The following YWHAB variants were observed in gnomAD, a reference collection of about 807,000 sequenced individuals.
YWHAB encodes the protein 14-3-3 protein beta/alpha.
In YWHAB, 2 loss-of-function variants were observed where a neutral mutation model predicts 28.5. The ratio of observed to expected loss-of-function variants is 0.07; its 90% CI spans 0.03 to 0.22. The LOEUF is 0.22. Among genes scored for constraint, YWHAB ranks in the 10% least tolerant of loss-of-function variants. The pLI is 1.00. For missense variants in YWHAB, 148 were observed against 297.1 expected (o/e 0.50, Z 3.69); for synonymous variants, 103 against 104.7 (o/e 0.98, Z 0.10).
intron 1 of YWHAB, among the ~76,000 whole-genome samples, chr20:44,899,113 A>G (rs1021657625): frequency 6.6e-6 from 1 of 152,098 alleles, no homozygotes; most frequent in Non-Finnish European, 1.5e-5. Flanking sequence ...CTCCGTCTCC[A>G]AACAAATAAT....
At chr20:44,904,209 G>C in intron 3 of YWHAB, 93 bp downstream of exon 3, 1 of 1,483,748 alleles carries the variant, frequency 6.7e-7, no homozygotes, top group Non-Finnish European at 9.3e-7. Flanking sequence ...GTTCGCCATA[G>C]ACACCAATGT....
intron 1 of YWHAB, among the ~76,000 whole-genome samples, chr20:44,899,257 T>C (rs1488881031): frequency 6.6e-6 from 1 of 152,218 alleles, no homozygotes; most frequent in Non-Finnish European, 1.5e-5. Flanking sequence ...GGCGGGCAGA[T>C]CACCTGAGTT....
chr20:44,895,299 A>G (rs542978884), intron 1 of YWHAB, among the ~76,000 whole-genome samples: 12 of 152,282 alleles, frequency 7.9e-5, no homozygotes, highest in African/African-American at 2.6e-4. Flanking sequence ...CCAGCCTGAG[A>G]GAAAGGTACA....
chr20:44,890,656 G>A (rs1241509523), intron 1 of YWHAB, among the ~76,000 whole-genome samples: 1 of 151,910 alleles, frequency 6.6e-6, no homozygotes, highest in Non-Finnish European at 1.5e-5. Context: ...GATTACAGGC[G>A]CCTGCCACTG....
intron 2 of YWHAB, 107 bp from the exon 3 acceptor site, chr20:44,903,886 A>C: frequency 1.5e-6 from 2 of 1,338,808 alleles, no homozygotes; most frequent in Non-Finnish European, 2.0e-6. Context: ...GTGTTTTTTT[A>C]ATCTTCCAAA....
At chr20:44,892,163 A>G (rs1363909537) in intron 1 of YWHAB, among the ~76,000 whole-genome samples, 1 of 152,238 alleles carries the variant, frequency 6.6e-6, no homozygotes, top group African/African-American at 2.4e-5. Flanking sequence ...AATGCTGTTC[A>G]GAATATGTGA....
chr20:44,894,833 T>G (rs1048727464), intron 1 of YWHAB, among the ~76,000 whole-genome samples: 4 of 152,252 alleles, frequency 2.6e-5, no homozygotes, highest in African/African-American at 7.2e-5. Flanking sequence ...AGTGGCACAT[T>G]GCGCTGTGAC....
Position 44,885,756 on chromosome 20 carries a change from G to GCCA in YWHAB, c.-132_-131insACC, listed in dbSNP as rs1395624311. ...CGCCGATTCCGGAGCCGGGGTAGTC[G>GCCA]CCGCCGCCGCCGCCGCTGCAGCCAC... On this transcript the variant is annotated 5_prime_UTR_variant, in exon 1 of 6. Transcript: ENST00000353703. 5.6e-6 allele frequency: 1 copy of GCCA among 179,680 alleles called. No individual in the cohort carries two copies. Among genetic ancestry groups the GCCA allele is most frequent in the Non-Finnish European group, 1.2e-5 (1 of 86,878 alleles). 11.1% of individuals were successfully genotyped at this position (179,680 alleles called of 1,614,324 possible).
intron 1 of YWHAB, among the ~76,000 whole-genome samples, chr20:44,900,768 A>G (rs1458366641): frequency 1.3e-5 from 2 of 152,228 alleles, no homozygotes; most frequent in East Asian, 3.9e-4. Context: ...AAGGACATAT[A>G]TATAGTAAGC....
At chr20:44,904,840 C>G in intron 3 of YWHAB, 128 bp from the exon 4 acceptor site, 1 of 868,112 alleles carries the variant, frequency 1.2e-6, no homozygotes, top group Non-Finnish European at 1.7e-6. Context: ...GGCAGAGACA[C>G]TGACACTTCA....
chr20:44,894,108 G>A (rs753687127), intron 1 of YWHAB, among the ~76,000 whole-genome samples: 30 of 152,138 alleles, frequency 2.0e-4, no homozygotes, highest in Non-Finnish European at 2.5e-4. Context: ...GTCCTGACTT[G>A]CTGCATCCAG....
rs111393140 is a variant in YWHAB, at chr20:44,896,115, T to C, written c.-3-5416T>C. 8.2e-3 allele frequency among the ~76,000 whole-genome samples: 1,248 copies of C among 152,344 alleles called. 18 individuals are homozygous for C. Among genetic ancestry groups the C allele is most frequent in the African/African-American group, 0.028 (1,180 of 41,562 alleles). ...AGCGAAATGCTTTGTGAGAATATAT[T>C]CATTAGAGCAATGCCGTCCCATAGG... is the stretch of plus-strand genomic sequence containing the variant. On this transcript the variant is annotated intron_variant, in intron 1 of 5. Coordinates refer to ENST00000353703, the MANE Select transcript of YWHAB (RefSeq NM_139323.4).
At chr20:44,903,924 C>T (rs1206357821) in intron 2 of YWHAB, 69 bp from the exon 3 acceptor site, 3 of 1,537,878 alleles carry the variant, frequency 2.0e-6, no homozygotes, top group African/African-American at 2.8e-5. Flanking sequence ...TAGTGTATAT[C>T]TTGAATCTCA....
At chr20:44,904,889 A>G in intron 3 of YWHAB, 79 bp from the exon 4 acceptor site, 2 of 1,432,626 alleles carry the variant, frequency 1.4e-6, no homozygotes, top group South Asian at 1.6e-5. Flanking sequence ...TGGGACTGAG[A>G]AAATAATTTG....
chr20:44,886,637 T>G (rs2066529734), intron 1 of YWHAB: 1 of 152,082 alleles, frequency 6.6e-6, no homozygotes, highest in Non-Finnish European at 1.5e-5. Context: ...TACCCCAAAT[T>G]CCCCCATATT....
chr20:44,905,984 A>G lies in YWHAB; in HGVS notation c.589-17A>G, dbSNP rs765587390. On this transcript the variant is annotated splice_polypyrimidine_tract_variant and intron_variant, in intron 4 of 5. Transcript: ENST00000353703. ...CAGAGAACTTGTGAATTCTTTGCTA[A>G]AGGCTCTTTGTTTTAGGCATTTGAT... 57 of 1,606,124 alleles carry G rather than the reference A, an allele frequency of 3.5e-5. No homozygotes were observed. The highest frequency in any genetic ancestry group is 4.8e-5 in the Non-Finnish European group (56 of 1,174,966).
intron 1 of YWHAB, among the ~76,000 whole-genome samples, chr20:44,900,389 A>G (rs2145535578): frequency 6.6e-6 from 1 of 152,316 alleles, no homozygotes; most frequent in South Asian, 2.1e-4. Flanking sequence ...AGGTCATGCC[A>G]CTTGTAAGTA....
chr20:44,894,496 C>T (rs931017993), intron 1 of YWHAB, among the ~76,000 whole-genome samples: 4 of 152,124 alleles, frequency 2.6e-5, no homozygotes, highest in African/African-American at 9.7e-5. Flanking sequence ...ACTTCAGTTA[C>T]ATTTAACATA....
intron 1 of YWHAB, among the ~76,000 whole-genome samples, chr20:44,896,271 C>T (rs1051012207): frequency 6.6e-6 from 1 of 152,070 alleles, no homozygotes; most frequent in African/African-American, 2.4e-5. Context: ...ATATGTGGCA[C>T]TAGCCACATT....
Sources: gnomAD v4.1 joint callset for allele counts (sites outside exome capture counted in the v4.1 genomes callset) on GRCh38, gnomAD v4.1.1 for gene constraint, MANE v1.5 for transcripts, NCBI Gene and HGNC (gene_info 2026-07-23, HGNC 2026-07-21) for gene names.